The following MARCHF1 variants were observed in gnomAD, a reference collection of about 807,000 sequenced individuals.
MARCHF1 encodes E3 ubiquitin-protein ligase MARCHF1.
A neutral mutation model predicts 54.2 loss-of-function variants in MARCHF1; 40 were observed. The observed-to-expected ratio is 0.74, with a 90% confidence interval of 0.57 to 0.96. The LOEUF (loss-of-function observed/expected upper bound fraction) is 0.96. Among genes scored for constraint, MARCHF1 ranks in the 40% least tolerant of loss-of-function variants. The pLI is 0.00. For synonymous variants in MARCHF1, 236 were observed against 236.3 expected (o/e 1.00, Z 0.01); for missense variants, 586 against 656.5 (o/e 0.89, Z 1.17).
At chr4:164,177,768 ATCTC>A (rs376656515) in intron 1 of MARCHF1, among the ~76,000 whole-genome samples, 15 of 150,556 alleles carry the variant, frequency 1.0e-4, no homozygotes, top group African/African-American at 3.4e-4. Flanking sequence ...TCTCTCTCTC[ATCTC>A]TCTCTCTCTC....
At chr4:163,996,374 A>T (rs1753076312) in intron 2 of MARCHF1, among the ~76,000 whole-genome samples, 1 of 152,060 alleles carries the variant, frequency 6.6e-6, no homozygotes, top group African/African-American at 2.4e-5. Flanking sequence ...ATAAAATTAT[A>T]ATTTGTATTT....
chr4:163,728,766 C>T (rs1208508822), intron 4 of MARCHF1, among the ~76,000 whole-genome samples: 1 of 152,174 alleles, frequency 6.6e-6, no homozygotes, highest in Non-Finnish European at 1.5e-5. Flanking sequence ...TTATTTCTTG[C>T]TTCCCAATCA....
At chr4:163,775,300 C>A (rs1447127683) in intron 4 of MARCHF1, among the ~76,000 whole-genome samples, 1 of 152,128 alleles carries the variant, frequency 6.6e-6, no homozygotes, top group Non-Finnish European at 1.5e-5. Flanking sequence ...TCTAATCATT[C>A]TCCCCTAATA....
At chr4:163,705,259 C>T (rs957820050) in intron 4 of MARCHF1, among the ~76,000 whole-genome samples, 1 of 151,290 alleles carries the variant, frequency 6.6e-6, no homozygotes, top group African/African-American at 2.4e-5. Context: ...ACATAAATAT[C>T]CCTAATCCAT....
At chr4:164,180,593 G>T (rs575225453) in intron 1 of MARCHF1, among the ~76,000 whole-genome samples, 1 of 152,246 alleles carries the variant, frequency 6.6e-6, no homozygotes, top group Non-Finnish European at 1.5e-5. Context: ...GAGGGATTAT[G>T]CAGCAGAGGA....
intron 1 of MARCHF1, among the ~76,000 whole-genome samples, chr4:164,300,840 C>T (rs953222492): frequency 1.3e-5 from 2 of 152,144 alleles, no homozygotes; most frequent in Admixed American, 6.6e-5. Context: ...CGTCAATGCA[C>T]CAAATACATG....
Position 164,298,060 on chromosome 4 carries a change from G to GA in MARCHF1, c.-323+85809dup, listed in dbSNP as rs201839715. On this transcript the variant is annotated intron_variant, in intron 1 of 9. Coordinates refer to ENST00000514618, the MANE Select transcript of MARCHF1 (RefSeq NM_001394959.1). ...ACAATACCAAATGTTCAGGGTGAAA[G>GA]AAAAAAAACAAAAACACAAGACCCA... is the stretch of plus-strand genomic sequence containing the variant. Among the ~76,000 whole-genome samples, 216 of 151,060 alleles carry GA rather than the reference G, an allele frequency of 1.4e-3. 5 individuals are homozygous for GA. In the East Asian group the frequency reaches 0.038, roughly 27 times the overall value.
chr4:163,904,645 C>T (rs1751016305), intron 3 of MARCHF1, among the ~76,000 whole-genome samples: 1 of 152,102 alleles, frequency 6.6e-6, no homozygotes, highest in Admixed American at 6.6e-5. Flanking sequence ...AGTAGCAAGC[C>T]TCTATTCTAT....
At chr4:163,954,031 T>G (rs1752185430) in intron 3 of MARCHF1, among the ~76,000 whole-genome samples, 1 of 152,138 alleles carries the variant, frequency 6.6e-6, no homozygotes, top group Admixed American at 6.6e-5. Context: ...GGTTCTAATT[T>G]CCTGATAACA....
At chr4:163,689,453 A>T (rs1744373133) in intron 5 of MARCHF1, among the ~76,000 whole-genome samples, 1 of 152,234 alleles carries the variant, frequency 6.6e-6, no homozygotes, top group Non-Finnish European at 1.5e-5. Context: ...ATATTGTCCA[A>T]TGTGGAAATC....
In MARCHF1 at chr4:163,524,797, A is replaced by G. The variant is rs531913156; in HGVS notation, c.*3951T>C. The G allele has an allele frequency of 1.4e-4, 21 of 152,266 alleles. No individual in the cohort carries two copies. In the East Asian group the frequency reaches 1.9e-3, roughly 14 times the overall value. 9.4% of individuals were successfully genotyped at this position (152,266 alleles called of 1,614,324 possible). A position where few individuals can be genotyped will look rare whatever the true frequency, so the allele number is the denominator to read the frequency against. On this transcript the variant is annotated 3_prime_UTR_variant, in exon 10 of 10. Coordinates refer to ENST00000514618, the MANE Select transcript of MARCHF1 (RefSeq NM_001394959.1). Reference sequence around the variant, plus strand: ...TTTTTCTTAATTTGCTTTAGTACACATGATTCACAAAACAGTAAATTGTTA... The same window carrying G: ...TTTTTCTTAATTTGCTTTAGTACACGTGATTCACAAAACAGTAAATTGTTA...
chr4:164,268,887 G>A (rs1733675607), intron 1 of MARCHF1, among the ~76,000 whole-genome samples: 1 of 152,098 alleles, frequency 6.6e-6, no homozygotes, highest in South Asian at 2.1e-4. Flanking sequence ...TTAACGGAAG[G>A]AGCTGCCATT....
chr4:163,886,350 T>TATAG (rs900092523), intron 3 of MARCHF1, among the ~76,000 whole-genome samples: 1 of 142,810 alleles, frequency 7.0e-6, no homozygotes, highest in Non-Finnish European at 1.5e-5. Flanking sequence ...GATAGATAGA[T>TATAG]ATAGATAGAT....
intron 9 of MARCHF1, among the ~76,000 whole-genome samples, chr4:163,544,708 C>G (rs906138677): frequency 6.0e-5 from 6 of 99,576 alleles, no homozygotes; most frequent in Non-Finnish European, 1.4e-4. Flanking sequence ...CTTACCTCCT[C>G]TCTTTTTTTG....
At chr4:164,005,058 T>C (rs908132331) in intron 2 of MARCHF1, among the ~76,000 whole-genome samples, 1 of 151,932 alleles carries the variant, frequency 6.6e-6, no homozygotes, top group African/African-American at 2.4e-5. Context: ...GCTGATTCTT[T>C]GAAAAGATAA....
intron 2 of MARCHF1, among the ~76,000 whole-genome samples, chr4:164,057,535 C>T (rs1249346889): frequency 1.3e-5 from 2 of 152,168 alleles, no homozygotes; most frequent in East Asian, 3.8e-4. Context: ...ATGAAAGCTG[C>T]CCCAGAACGG....
chr4:163,984,091 A>C (rs1192764626), intron 3 of MARCHF1, among the ~76,000 whole-genome samples: 1 of 152,112 alleles, frequency 6.6e-6, no homozygotes, highest in African/African-American at 2.4e-5. Flanking sequence ...TTTCCAGGTT[A>C]CTGGAATCTC....
rs574145338 is a variant in MARCHF1 at position 163,872,947 on chromosome 4, G to A, written c.-38-18778C>T. Among the ~76,000 whole-genome samples the A allele has an allele frequency of 3.9e-5, 6 of 152,264 alleles. No homozygotes were observed. The East Asian group carries it at 7.7e-4, about 20-fold the overall frequency. ...TAGTCCCAGCTACTCGGGAGGCTGA[G>A]GCAGGAGAATGGCGTGAACCCTGGA... On this transcript the variant is annotated intron_variant, in intron 3 of 9. Transcript: ENST00000514618.
At chr4:164,197,028 T>C (rs777172935) in intron 1 of MARCHF1, 35 of 1,605,214 alleles carry the variant, frequency 2.2e-5, no homozygotes, top group Admixed American at 8.4e-5. Flanking sequence ...TCTGACCCCT[T>C]TCTTCTTCAC....
Sources: gnomAD v4.1 joint callset for allele counts (sites outside exome capture counted in the v4.1 genomes callset) on GRCh38, gnomAD v4.1.1 for gene constraint, MANE v1.5 for transcripts, NCBI Gene and HGNC (gene_info 2026-07-23, HGNC 2026-07-21) for gene names.